Variants in PRR16 observed in about 807,000 individuals in gnomAD.
PRR16 encodes protein Largen.
PRR16 carries 6 observed loss-of-function variants against 18.2 expected under a neutral mutation model. That is an observed-to-expected ratio of 0.33 (90% confidence interval 0.18 to 0.65). The LOEUF (loss-of-function observed/expected upper bound fraction) is 0.65. Ranked by LOEUF, PRR16 falls within the 30% of genes least tolerant of loss-of-function variation. PRR16 has a pLI of 0.74. For missense variants in PRR16, 412 were observed against 376.6 expected (o/e 1.09, Z -0.78); for synonymous variants, 151 against 147.8 (o/e 1.02, Z -0.16).
chr5:120,707,224 G>A, the PRR16 span, among the ~76,000 whole-genome samples: 1 of 152,206 alleles, frequency 6.6e-6, no homozygotes, highest in Non-Finnish European at 1.5e-5. Context: ...TACTTACTAA[G>A]AGCCTGAGGC....
the PRR16 span, among the ~76,000 whole-genome samples, chr5:120,733,940 T>C: frequency 6.6e-6 from 1 of 152,246 alleles, no homozygotes; most frequent in Non-Finnish European, 1.5e-5. Flanking sequence ...TTTATTTTAT[T>C]TCAATCTGTG....
chr5:120,720,698 C>G, the PRR16 span, among the ~76,000 whole-genome samples: 2 of 151,996 alleles, frequency 1.3e-5, no homozygotes, highest in Non-Finnish European at 2.9e-5. Flanking sequence ...TTCAAAATAA[C>G]AGAAAATTCT....
intron 1 of PRR16, among the ~76,000 whole-genome samples, chr5:120,679,025 A>C (rs1428406962): frequency 6.6e-6 from 1 of 152,138 alleles, no homozygotes; most frequent in African/African-American, 2.4e-5. Flanking sequence ...GAAATATTGA[A>C]AATATTGTGA....
At chr5:120,735,160 G>T in the PRR16 span, among the ~76,000 whole-genome samples, 1 of 152,276 alleles carries the variant, frequency 6.6e-6, no homozygotes, top group East Asian at 1.9e-4. Context: ...GGTCCTCAAA[G>T]TTCATTCATG....
the PRR16 span, among the ~76,000 whole-genome samples, chr5:120,764,595 G>A: frequency 6.6e-6 from 1 of 151,706 alleles, no homozygotes; most frequent in African/African-American, 2.4e-5. Flanking sequence ...TATTAACTAT[G>A]GATAACATAC....
chr5:120,774,775 G>T, the PRR16 span, among the ~76,000 whole-genome samples: 6 of 152,042 alleles, frequency 3.9e-5, no homozygotes, highest in Admixed American at 3.9e-4. Flanking sequence ...ATTAAGCTAA[G>T]GTCCCTGCAA....
At chr5:120,601,512 C>A (rs768968229) in intron 1 of PRR16, among the ~76,000 whole-genome samples, 1 of 151,618 alleles carries the variant, frequency 6.6e-6, no homozygotes, top group African/African-American at 2.4e-5. Context: ...CTATTCTATG[C>A]GTTGACTGTT....
intron 1 of PRR16, among the ~76,000 whole-genome samples, chr5:120,548,996 T>A (rs1199493109): frequency 1.3e-5 from 2 of 150,834 alleles, no homozygotes; most frequent in Non-Finnish European, 3.0e-5. Context: ...TGCACACTCA[T>A]ATATCCATTT....
At chr5:120,567,449 G>A (rs889022546) in intron 1 of PRR16, among the ~76,000 whole-genome samples, 6 of 152,102 alleles carry the variant, frequency 3.9e-5, no homozygotes, top group African/African-American at 1.4e-4. Flanking sequence ...TACACAGAGG[G>A]TGGTAGGATA....
intron 1 of PRR16, among the ~76,000 whole-genome samples, chr5:120,489,646 A>G (rs1012378754): frequency 6.6e-6 from 1 of 152,106 alleles, no homozygotes; most frequent in African/African-American, 2.4e-5. Context: ...CATTTAGCCC[A>G]TTTACATTTA....
chr5:120,535,494 A>T (rs1751686169), intron 1 of PRR16, among the ~76,000 whole-genome samples: 1 of 152,176 alleles, frequency 6.6e-6, no homozygotes, highest in Non-Finnish European at 1.5e-5. Flanking sequence ...CAACACACTT[A>T]ACCAAGAGTA....
At chr5:120,613,733 G>C (rs1321392317) in intron 1 of PRR16, among the ~76,000 whole-genome samples, 1 of 152,080 alleles carries the variant, frequency 6.6e-6, no homozygotes, top group African/African-American at 2.4e-5. Context: ...ACATCGTTTA[G>C]ATGATGGCCA....
chr5:120,755,867 G>C, the PRR16 span, among the ~76,000 whole-genome samples: 1 of 152,100 alleles, frequency 6.6e-6, no homozygotes, highest in African/African-American at 2.4e-5. Context: ...TGAAAGCACA[G>C]ATTTACTGAA....
At chr5:120,723,286 A>G in the PRR16 span, among the ~76,000 whole-genome samples, 2 of 152,056 alleles carry the variant, frequency 1.3e-5, no homozygotes, top group South Asian at 2.1e-4. Flanking sequence ...TGTATTTGGT[A>G]CTCAATTTAT....
At chr5:120,665,880 G>A (rs1756356283) in intron 1 of PRR16, among the ~76,000 whole-genome samples, 1 of 152,152 alleles carries the variant, frequency 6.6e-6, no homozygotes, top group South Asian at 2.1e-4. Flanking sequence ...ATAGTTTGAA[G>A]TCAGGTAGCG....
At chr5:120,500,896 T>TA (rs1750429123) in intron 1 of PRR16, among the ~76,000 whole-genome samples, 1 of 152,098 alleles carries the variant, frequency 6.6e-6, no homozygotes, top group Admixed American at 6.5e-5. Context: ...TTTCTTTTTT[T>TA]ATCTTATAAA....
chr5:120,708,978 C>CTTTTTTTTTTTTTTTTTTTT, the PRR16 span, among the ~76,000 whole-genome samples: 1 of 43,650 alleles, frequency 2.3e-5, no homozygotes, highest in African/African-American at 9.5e-5. Context: ...CTCTTTGGTA[C>CTTTTTTTTTTTTTTTTTTTT]TTTTTTTTTT....
At chr5:120,610,678 A>G (rs1190869834) in intron 1 of PRR16, among the ~76,000 whole-genome samples, 2 of 152,132 alleles carry the variant, frequency 1.3e-5, no homozygotes, top group Admixed American at 1.3e-4. Context: ...TTCACCTCCC[A>G]CCATGATTCT....
chr5:120,746,676 T>C, the PRR16 span, among the ~76,000 whole-genome samples: 1 of 152,110 alleles, frequency 6.6e-6, no homozygotes, highest in Non-Finnish European at 1.5e-5. Context: ...TTTCAATTTG[T>C]CTGGGTGCCA....
Sources: allele counts gnomAD v4.1 joint callset (sites outside exome capture counted in the v4.1 genomes callset), GRCh38; gene constraint gnomAD v4.1.1; transcripts MANE v1.5; gene names NCBI Gene and HGNC (gene_info 2026-07-23, HGNC 2026-07-21).